EGFR: variants seen among roughly 807,000 people sequenced by gnomAD.
The protein encoded by EGFR is epidermal growth factor receptor.
In EGFR, 58 loss-of-function variants were observed where a neutral mutation model predicts 143.0. The ratio of observed to expected loss-of-function variants is 0.41; its 90% CI spans 0.33 to 0.50. The LOEUF is 0.50. EGFR is among the 20% of genes least tolerant of loss of function. EGFR has a pLI of 0.39. For synonymous variants in EGFR, 613 were observed against 594.4 expected, an observed-to-expected ratio of 1.03 and a Z score of -0.45; for missense variants, 1,307 against 1,579.0, an observed-to-expected ratio of 0.83 and a Z score of 2.92.
intron 1 of EGFR, among the ~76,000 whole-genome samples, chr7:55,131,691 G>C (rs1054177231): frequency 6.6e-6 from 1 of 152,184 alleles, no homozygotes; most frequent in Non-Finnish European, 1.5e-5. Flanking sequence ...TGGCTGTCCT[G>C]CTCCTGTCAG....
intron 1 of EGFR, among the ~76,000 whole-genome samples, chr7:55,141,309 C>T (rs1456670197): frequency 6.6e-6 from 1 of 152,206 alleles, no homozygotes; most frequent in African/African-American, 2.4e-5. Flanking sequence ...TCTGTAAATA[C>T]AACTTTATTA....
chr7:55,129,160 C>T (rs1316500429), intron 1 of EGFR, among the ~76,000 whole-genome samples: 1 of 152,176 alleles, frequency 6.6e-6, no homozygotes, highest in African/African-American at 2.4e-5. Context: ...AGTGAGTGCT[C>T]ATACATGAGA....
At chr7:55,154,666 T>G (rs1005588747) in intron 7 of EGFR, among the ~76,000 whole-genome samples, 1 of 152,256 alleles carries the variant, frequency 6.6e-6, no homozygotes, top group Non-Finnish European at 1.5e-5. Flanking sequence ...TGTTTTGTTT[T>G]AATGGTTTGG....
At chr7:55,046,001 A>G (rs961138552) in intron 1 of EGFR, among the ~76,000 whole-genome samples, 3 of 152,242 alleles carry the variant, frequency 2.0e-5, no homozygotes, top group African/African-American at 7.2e-5. Flanking sequence ...TATTTGGGAC[A>G]TATTGAGTTA....
chr7:55,079,246 G>A (rs1330511739), intron 1 of EGFR, among the ~76,000 whole-genome samples: 1 of 152,218 alleles, frequency 6.6e-6, no homozygotes, highest in Non-Finnish European at 1.5e-5. Flanking sequence ...CACGGGGTGT[G>A]GGCGGCCTGC....
chr7:55,037,251 A>T (rs1420943682), intron 1 of EGFR, among the ~76,000 whole-genome samples: 1 of 152,234 alleles, frequency 6.6e-6, no homozygotes, highest in African/African-American at 2.4e-5. Context: ...TCAAATGTCT[A>T]CTGCAGACTG....
chr7:55,136,979 G>A (rs1359594910), intron 1 of EGFR, among the ~76,000 whole-genome samples: 2 of 152,190 alleles, frequency 1.3e-5, no homozygotes, highest in Admixed American at 6.5e-5. Flanking sequence ...ATATCTGGTA[G>A]GGAAAGATGG....
chr7:55,035,062 C>T (rs188866940), intron 1 of EGFR, among the ~76,000 whole-genome samples: 116 of 152,248 alleles, frequency 7.6e-4, no homozygotes, highest in Admixed American at 7.5e-3. Context: ...AACCTGGAAA[C>T]TATGAAGGGA....
chr7:55,118,239 C>T (rs1229417717), intron 1 of EGFR, among the ~76,000 whole-genome samples: 1 of 152,168 alleles, frequency 6.6e-6, no homozygotes, highest in African/African-American at 2.4e-5. Flanking sequence ...ATCTATGTCA[C>T]CTCTCCAGGA....
At chr7:55,192,726 C>G in intron 21 of EGFR, 40 bp from the exon 22 acceptor site, 1 of 1,578,068 alleles carries the variant, frequency 6.3e-7, no homozygotes, top group Non-Finnish European at 8.7e-7. Context: ...CAGAGGGAAA[C>G]TAATAGTTGT....
intron 1 of EGFR, among the ~76,000 whole-genome samples, chr7:55,063,383 A>T (rs991391169): frequency 6.6e-6 from 1 of 152,154 alleles, no homozygotes; most frequent in Non-Finnish European, 1.5e-5. Flanking sequence ...ACATGTGCTG[A>T]TGTGATTGAA....
intron 5 of EGFR, among the ~76,000 whole-genome samples, chr7:55,151,671 C>T (rs999448472): frequency 2.6e-5 from 4 of 152,146 alleles, no homozygotes; most frequent in Non-Finnish European, 5.9e-5. Context: ...GTCAGGAGAT[C>T]GAGCCATTCT....
In EGFR at chr7:55,174,138, A is replaced by G. The variant is rs1229381250; in HGVS notation, c.2184+95A>G. The G allele has an allele frequency of 3.2e-6, 5 of 1,540,744 alleles. No homozygotes were observed. In the East Asian group the frequency reaches 9.1e-5, roughly 28 times the overall value. ...TCCTTGCAAGCTGTATATTTCCATCATCTACTTTACTCTTTGTTTCACTGA... is the reference window on the plus strand; with the variant it reads ...TCCTTGCAAGCTGTATATTTCCATCGTCTACTTTACTCTTTGTTTCACTGA... On this transcript the variant is annotated intron_variant, in intron 18 of 27. Transcript: ENST00000275493.
intron 27 of EGFR, among the ~76,000 whole-genome samples, chr7:55,203,610 TAC>T (rs1787968300): frequency 9.2e-6 from 1 of 108,684 alleles, no homozygotes; most frequent in Non-Finnish European, 1.8e-5. Flanking sequence ...CGCACACACA[TAC>T]AAACATATAC....
At chr7:55,099,231 T>C (rs1282579192) in intron 1 of EGFR, among the ~76,000 whole-genome samples, 5 of 152,226 alleles carry the variant, frequency 3.3e-5, no homozygotes, top group Non-Finnish European at 7.3e-5. Flanking sequence ...AGACTGTGCT[T>C]GAGTTCTCCC....
chr7:55,153,744 C>A (rs1056290495), intron 6 of EGFR, among the ~76,000 whole-genome samples: 1 of 152,070 alleles, frequency 6.6e-6, no homozygotes, highest in Admixed American at 6.6e-5. Context: ...ATCATCTATA[C>A]GTTAGTAAAC....
chr7:55,120,064 T>G (rs994780698), intron 1 of EGFR, among the ~76,000 whole-genome samples: 4 of 152,226 alleles, frequency 2.6e-5, no homozygotes, highest in Admixed American at 6.5e-5. Context: ...AACCTTCCTG[T>G]TTTTTGCAAA....
At chr7:55,156,392 T>G in intron 8 of EGFR, 141 bp from the exon 9 acceptor site, 1 of 1,234,258 alleles carries the variant, frequency 8.1e-7, no homozygotes, top group Non-Finnish European at 1.2e-6. Flanking sequence ...CCCTTCAGTG[T>G]TTGTTGAGTG....
At chr7:55,122,558 CCTGCATGGGAT>C (rs1450793455) in intron 1 of EGFR, among the ~76,000 whole-genome samples, 1 of 152,246 alleles carries the variant, frequency 6.6e-6, no homozygotes, top group African/African-American at 2.4e-5. Flanking sequence ...GCCGTTCCAA[CCTGCATGGGAT>C]CTTCACTCTC....
Sources: gnomAD v4.1 joint callset for allele counts (sites outside exome capture counted in the v4.1 genomes callset) on GRCh38, gnomAD v4.1.1 for gene constraint, MANE v1.5 for transcripts, NCBI Gene and HGNC (gene_info 2026-07-23, HGNC 2026-07-21) for gene names.